Variants in HECTD2 observed in about 807,000 individuals in gnomAD.
HECTD2 encodes HECT domain E3 ubiquitin protein ligase 2.
A neutral mutation model predicts 103.2 loss-of-function variants in HECTD2; 35 were observed. The ratio of observed to expected loss-of-function variants is 0.34; its 90% CI spans 0.26 to 0.45. The LOEUF (loss-of-function observed/expected upper bound fraction) is 0.45. HECTD2 is among the 20% of genes least tolerant of loss of function. The probability of loss-of-function intolerance (pLI) is 1.00; values close to 1 mark genes in which losing one functional copy is unlikely to be tolerated. For synonymous variants in HECTD2, 281 were observed against 329.9 expected (o/e 0.85, Z 1.61); for missense variants, 596 against 937.4 (o/e 0.64, Z 4.76).
intron 2 of HECTD2, among the ~76,000 whole-genome samples, chr10:91,439,195 T>A (rs1844278177): frequency 6.6e-6 from 1 of 152,086 alleles, no homozygotes; most frequent in African/African-American, 2.4e-5. Context: ...TCTTCTAGGG[T>A]TTTTATGGTT....
intron 3 of HECTD2, 73 bp downstream of exon 3, chr10:91,460,638 T>A: frequency 7.1e-7 from 1 of 1,407,198 alleles, no homozygotes; most frequent in East Asian, 2.4e-5. Context: ...AATATCTTTA[T>A]TTGAGAAATT....
At chr10:91,434,510 A>G (rs1844030155) in intron 2 of HECTD2, among the ~76,000 whole-genome samples, 1 of 152,030 alleles carries the variant, frequency 6.6e-6, no homozygotes, top group Non-Finnish European at 1.5e-5. Context: ...TTATAGAATG[A>G]GGAAATTGGG....
chr10:91,423,686 T>TA (rs1157451589), intron 1 of HECTD2, among the ~76,000 whole-genome samples: 1 of 152,102 alleles, frequency 6.6e-6, no homozygotes, highest in East Asian at 1.9e-4. Flanking sequence ...AAAAGTCTAT[T>TA]AATTCTAGAG....
intron 5 of HECTD2, among the ~76,000 whole-genome samples, chr10:91,473,355 G>A (rs555789419): frequency 1.1e-4 from 16 of 152,186 alleles, no homozygotes; most frequent in South Asian, 2.1e-4. Context: ...TGATGTAGCC[G>A]GAGAAACTGA....
intron 1 of HECTD2, among the ~76,000 whole-genome samples, chr10:91,424,236 C>A (rs1258652664): frequency 6.6e-6 from 1 of 152,102 alleles, no homozygotes; most frequent in Non-Finnish European, 1.5e-5. Context: ...GACGTCTTTT[C>A]CACTTGTGGC....
At chr10:91,470,909 A>T (rs1216475698) in intron 5 of HECTD2, among the ~76,000 whole-genome samples, 1 of 151,744 alleles carries the variant, frequency 6.6e-6, no homozygotes, top group Non-Finnish European at 1.5e-5. Flanking sequence ...AAGAGGAGGG[A>T]CTCTTCCCTA....
intron 5 of HECTD2, among the ~76,000 whole-genome samples, chr10:91,474,011 A>C (rs534988749): frequency 1.6e-4 from 24 of 152,328 alleles, no homozygotes; most frequent in Admixed American, 4.6e-4. Flanking sequence ...AATTAAGAAG[A>C]AAAAGCCAAA....
At chr10:91,452,157 G>A (rs1589497821) in intron 2 of HECTD2, among the ~76,000 whole-genome samples, 1 of 151,954 alleles carries the variant, frequency 6.6e-6, no homozygotes, top group Non-Finnish European at 1.5e-5. Context: ...ATAACAAAAG[G>A]TGTTACAGTC....
chr10:91,466,182 A>G (rs1845525003), intron 5 of HECTD2, among the ~76,000 whole-genome samples: 1 of 152,150 alleles, frequency 6.6e-6, no homozygotes, highest in Non-Finnish European at 1.5e-5. Flanking sequence ...TTTCAGTAAC[A>G]TATCTAGGTT....
chr10:91,429,958 T>A (rs61877867), intron 2 of HECTD2, among the ~76,000 whole-genome samples: 9 of 152,190 alleles, frequency 5.9e-5, no homozygotes, highest in Non-Finnish European at 1.3e-4. Context: ...CTAGTTCTTT[T>A]AACTGTGATG....
intron 2 of HECTD2, among the ~76,000 whole-genome samples, chr10:91,427,021 C>A (rs1161756683): frequency 8.6e-6 from 1 of 115,778 alleles, no homozygotes; most frequent in African/African-American, 3.3e-5. Flanking sequence ...CCACAACAGT[C>A]GCCAGAGTGT....
Position 91,425,360 on chromosome 10 carries a change from C to G in HECTD2, c.218C>G (p.Ala73Gly), listed in dbSNP as rs1843517980. 3 of 1,575,204 alleles carry G rather than the reference C, an allele frequency of 1.9e-6. No individual in the cohort carries two copies. In the East Asian group the frequency reaches 6.9e-5, roughly 36 times the overall value. The change falls in exon 2 of 21, where the codon GCT becomes GGT. Residue 73 changes from alanine (A) to glycine (G), a missense_variant. Ala to Gly is a moderately conservative substitution (Grantham distance 60). Transcript: ENST00000298068. The stretch of plus-strand genomic sequence containing the variant: ...GCTGTTAGCCCGAAGAAAGAAGCTG[C>G]TGAAAACAGAAGTTCACCTGCACAT... ...ISAVSPKKEA[A>G]ENRSSPAHLV...
At chr10:91,490,840 G>T (rs908778897) in intron 11 of HECTD2, among the ~76,000 whole-genome samples, 6 of 144,180 alleles carry the variant, frequency 4.2e-5, no homozygotes, top group African/African-American at 1.3e-4. Flanking sequence ...GCAGTGAGCC[G>T]GGATAGCGCC....
chr10:91,506,329 C>A (rs1847171173), intron 20 of HECTD2, among the ~76,000 whole-genome samples: 1 of 152,256 alleles, frequency 6.6e-6, no homozygotes, highest in Non-Finnish European at 1.5e-5. Flanking sequence ...ACTAATGAAT[C>A]CAGGAGCTGG....
chr10:91,438,484 A>T (rs1234213199), intron 2 of HECTD2, among the ~76,000 whole-genome samples: 3 of 152,060 alleles, frequency 2.0e-5, no homozygotes, highest in African/African-American at 4.8e-5. Flanking sequence ...TCCATCATTG[A>T]TGGGCATTTG....
At chr10:91,481,025 G>T in intron 6 of HECTD2, 69 bp from the exon 7 acceptor site, 1 of 927,088 alleles carries the variant, frequency 1.1e-6, no homozygotes, top group East Asian at 2.7e-5. Flanking sequence ...AAAGTTTATT[G>T]GTCTTTTTCG....
intron 5 of HECTD2, among the ~76,000 whole-genome samples, chr10:91,465,919 T>C (rs1845517689): frequency 6.6e-6 from 1 of 152,210 alleles, no homozygotes; most frequent in African/African-American, 2.4e-5. Context: ...TCTTTCTCTT[T>C]TGAGCATTAG....
chr10:91,425,169 A>G (rs1843508830), intron 1 of HECTD2, 112 bp from the exon 2 acceptor site: 4 of 861,246 alleles, frequency 4.6e-6, no homozygotes, highest in East Asian at 6.2e-5. Flanking sequence ...GTTTTTATCT[A>G]TTATCTACTC....
At chr10:91,422,772 C>T (rs1028943818) in intron 1 of HECTD2, among the ~76,000 whole-genome samples, 16 of 152,052 alleles carry the variant, frequency 1.1e-4, no homozygotes, top group Admixed American at 5.9e-4. Flanking sequence ...TTTCAATTTT[C>T]TCTCTTATCT....
Sources: gnomAD v4.1 joint callset for allele counts (sites outside exome capture counted in the v4.1 genomes callset) on GRCh38, gnomAD v4.1.1 for gene constraint, MANE v1.5 for transcripts, NCBI Gene and HGNC (gene_info 2026-07-23, HGNC 2026-07-21) for gene names.